EXOC6B: variants seen among roughly 807,000 people sequenced by gnomAD.
The protein encoded by EXOC6B is SEC15 homolog B.
Under a neutral mutation model 113.5 loss-of-function variants are expected in EXOC6B, and 54 were observed. The ratio of observed to expected loss-of-function variants is 0.48; its 90% CI spans 0.38 to 0.60. The LOEUF is 0.60. Ranked by LOEUF, EXOC6B falls within the 20% of genes least tolerant of loss-of-function variation. The pLI is 0.00. For synonymous variants in EXOC6B, 357 were observed against 339.0 expected (o/e 1.05, Z -0.58); for missense variants, 797 against 977.5 (o/e 0.82, Z 2.46).
chr2:72,406,454 T>G (rs190525433), intron 18 of EXOC6B, among the ~76,000 whole-genome samples: 7 of 152,294 alleles, frequency 4.6e-5, no homozygotes, highest in African/African-American at 1.7e-4. Context: ...TAGTTGGAAG[T>G]AAAGCACTCC....
chr2:72,202,656 T>A (rs1312955867), intron 20 of EXOC6B, among the ~76,000 whole-genome samples: 5 of 151,498 alleles, frequency 3.3e-5, no homozygotes, highest in Non-Finnish European at 5.9e-5. Flanking sequence ...CTATTTTTTT[T>A]ACCTGAGATC....
intron 1 of EXOC6B, among the ~76,000 whole-genome samples, chr2:72,824,873 C>G (rs952881074): frequency 6.6e-6 from 1 of 152,142 alleles, no homozygotes; most frequent in Non-Finnish European, 1.5e-5. Context: ...GGTTAAGTGT[C>G]TGGGTCCAGG....
rs1281448141 is a variant in EXOC6B at position 72,184,098 on chromosome 2, C to A, written c.2286G>T (p.Val762=). 1.3e-6 allele frequency: 2 copies of A among 1,563,340 alleles called. No individual in the cohort carries two copies. The highest frequency in any genetic ancestry group is 8.7e-7 in the Non-Finnish European group (1 of 1,152,744). ...PNCKYLRVNP[V]TALTLLEKMK... ...ACTTCTCAAGCAGGGTCAGAGCAGT[C>A]ACTGGGTTTACCCGGAGGTACTTGC... The change falls in exon 21 of 22, where the codon GTG becomes GTT. Residue 762 remains valine, a synonymous_variant. Transcript: ENST00000272427.
At chr2:72,337,221 T>A (rs182449125) in intron 19 of EXOC6B, among the ~76,000 whole-genome samples, 374 of 152,286 alleles carry the variant, frequency 2.5e-3, no homozygotes, top group African/African-American at 7.2e-3. Context: ...AGCTATTCTT[T>A]TTGACTACTT....
intron 1 of EXOC6B, among the ~76,000 whole-genome samples, chr2:72,782,223 G>A (rs1348484669): frequency 3.3e-5 from 5 of 151,358 alleles, no homozygotes; most frequent in Admixed American, 2.0e-4. Context: ...TTTCTTGACC[G>A]TTTCTTGTTT....
Position 72,734,239 on chromosome 2 carries a change from T to C in EXOC6B, c.280-1121A>G, listed in dbSNP as rs538899568. 5.9e-5 allele frequency among the ~76,000 whole-genome samples: 9 copies of C among 152,244 alleles called. No individual in the cohort carries two copies. In the East Asian group the frequency reaches 1.7e-3, roughly 29 times the overall value. On this transcript the variant is annotated intron_variant, in intron 2 of 21. Coordinates refer to ENST00000272427, the MANE Select transcript of EXOC6B (RefSeq NM_015189.3). ...AAGCAGATTACCATATGCACCTCCA[T>C]CCAAAGCCAAAATGAAATCTGAACT...
intron 16 of EXOC6B, among the ~76,000 whole-genome samples, chr2:72,486,736 A>T (rs1699442495): frequency 6.6e-6 from 1 of 152,104 alleles, no homozygotes; most frequent in Admixed American, 6.5e-5. Context: ...TGTGTATTCT[A>T]TCTTAAACTC....
At chr2:72,289,066 A>C in intron 20 of EXOC6B, 1 of 303,358 alleles carries the variant, frequency 3.3e-6, no homozygotes, top group South Asian at 4.0e-5. Context: ...GACCAAGAAG[A>C]AGCAAGATGA....
At chr2:72,195,485 A>G (rs1679113130) in intron 20 of EXOC6B, among the ~76,000 whole-genome samples, 1 of 152,144 alleles carries the variant, frequency 6.6e-6, no homozygotes, top group Non-Finnish European at 1.5e-5. Flanking sequence ...ATGTTGTAGG[A>G]GAAGAAGGTA....
intron 19 of EXOC6B, among the ~76,000 whole-genome samples, chr2:72,341,882 C>G (rs985257340): frequency 2.6e-5 from 4 of 152,060 alleles, no homozygotes; most frequent in African/African-American, 9.7e-5. Context: ...TGATTGTAAT[C>G]ATCTTAAGTA....
At chr2:72,617,353 A>G (rs1671450517) in intron 6 of EXOC6B, among the ~76,000 whole-genome samples, 2 of 151,048 alleles carry the variant, frequency 1.3e-5, no homozygotes, top group Non-Finnish European at 3.0e-5. Flanking sequence ...CCCAGTAGGG[A>G]CTCTGTGTGG....
At chr2:72,516,291 A>G (rs1385441766) in intron 8 of EXOC6B, among the ~76,000 whole-genome samples, 3 of 152,144 alleles carry the variant, frequency 2.0e-5, no homozygotes, top group Non-Finnish European at 4.4e-5. Flanking sequence ...CTCTGTCACC[A>G]GGCTGGAGTG....
intron 19 of EXOC6B, among the ~76,000 whole-genome samples, chr2:72,337,872 C>T (rs928910587): frequency 1.3e-5 from 2 of 152,128 alleles, no homozygotes; most frequent in African/African-American, 4.8e-5. Context: ...CAAAACCAAA[C>T]ATCCACTCAA....
intron 6 of EXOC6B, among the ~76,000 whole-genome samples, chr2:72,640,162 A>C (rs1025313506): frequency 6.6e-6 from 1 of 152,224 alleles, no homozygotes. Flanking sequence ...CAGCCAGTAT[A>C]GAAAAGATGG....
chr2:72,694,599 G>GT (rs1187599421), intron 6 of EXOC6B, among the ~76,000 whole-genome samples: 1 of 152,168 alleles, frequency 6.6e-6, no homozygotes, highest in Non-Finnish European at 1.5e-5. Flanking sequence ...GCACTGACAT[G>GT]TAATACTATT....
At chr2:72,627,313 A>G (rs1348772640) in intron 6 of EXOC6B, among the ~76,000 whole-genome samples, 5 of 152,172 alleles carry the variant, frequency 3.3e-5, no homozygotes, top group Non-Finnish European at 7.3e-5. Context: ...GCAAATGTAC[A>G]TATTAAAAAC....
chr2:72,377,104 T>TATGGCCAACA (rs1691408753), intron 19 of EXOC6B, among the ~76,000 whole-genome samples: 1 of 152,142 alleles, frequency 6.6e-6, no homozygotes, highest in Non-Finnish European at 1.5e-5. Context: ...AAAAGATGCT[T>TATGGCCAACA]GGAATCACTA....
At chr2:72,289,531 G>T (rs946985261) in intron 20 of EXOC6B, among the ~76,000 whole-genome samples, 22 of 152,254 alleles carry the variant, frequency 1.4e-4, no homozygotes, top group Admixed American at 7.2e-4. Context: ...TGCTGTGAGT[G>T]TGTGTCTGTG....
chr2:72,579,652 TTAAA>T (rs1335094801), intron 6 of EXOC6B, among the ~76,000 whole-genome samples: 1 of 152,132 alleles, frequency 6.6e-6, no homozygotes, highest in African/African-American at 2.4e-5. Context: ...ACACAGGCCA[TTAAA>T]TAAACATTTA....
Sources: gnomAD v4.1 joint callset for allele counts (sites outside exome capture counted in the v4.1 genomes callset) on GRCh38, gnomAD v4.1.1 for gene constraint, MANE v1.5 for transcripts, NCBI Gene and HGNC (gene_info 2026-07-23, HGNC 2026-07-21) for gene names.